GNAT3: variants seen among roughly 807,000 people sequenced by gnomAD.
GNAT3 encodes G protein subunit alpha transducin 3, also known as guanine nucleotide-binding protein G(t) subunit alpha-3.
GNAT3 carries 31 observed loss-of-function variants against 37.7 expected under a neutral mutation model. That is an observed-to-expected ratio of 0.82 (90% CI 0.62 to 1.11). The LOEUF (loss-of-function observed/expected upper bound fraction) is 1.11, where lower values mean the gene tolerates loss of function less well. GNAT3 is among the 50% of genes most tolerant of loss of function. The probability of loss-of-function intolerance (pLI) is 0.00; values close to 1 mark genes in which losing one functional copy is unlikely to be tolerated. For missense variants in GNAT3, 437 were observed against 412.5 expected (o/e 1.06, Z -0.51); for synonymous variants, 138 against 139.8 (o/e 0.99, Z 0.09).
chr7:80,475,624 A>G (rs1248346899), intron 4 of GNAT3, among the ~76,000 whole-genome samples: 1 of 152,090 alleles, frequency 6.6e-6, no homozygotes, highest in Non-Finnish European at 1.5e-5. Context: ...GTCAGTGTTA[A>G]AAATTGTTTG....
At chr7:80,463,082 T>C (rs147407407) in intron 5 of GNAT3, among the ~76,000 whole-genome samples, 1 of 152,180 alleles carries the variant, frequency 6.6e-6, no homozygotes, top group South Asian at 2.1e-4. Context: ...TTGCATTCTA[T>C]GTACTAGACA....
At chr7:80,491,023 G>A (rs771036530) in intron 2 of GNAT3, among the ~76,000 whole-genome samples, 6 of 152,146 alleles carry the variant, frequency 3.9e-5, no homozygotes, top group Non-Finnish European at 7.3e-5. Context: ...CAAGGGTGAA[G>A]AGTTGAATTC....
chr7:80,502,912 A>G (rs1402487548), intron 1 of GNAT3, among the ~76,000 whole-genome samples: 2 of 152,040 alleles, frequency 1.3e-5, no homozygotes, highest in Non-Finnish European at 2.9e-5. Context: ...CTCAAATCTT[A>G]TTTTCAAACT....
At chr7:80,505,410 A>G (rs1021322858) in intron 1 of GNAT3, among the ~76,000 whole-genome samples, 1 of 152,212 alleles carries the variant, frequency 6.6e-6, no homozygotes, top group Non-Finnish European at 1.5e-5. Flanking sequence ...CTCTGTGCCC[A>G]GGCTGGAGTG....
intron 1 of GNAT3, among the ~76,000 whole-genome samples, chr7:80,496,262 C>T (rs925562675): frequency 1.4e-4 from 21 of 152,156 alleles, no homozygotes; most frequent in African/African-American, 3.6e-4. Context: ...TCCTGAGTAG[C>T]TGGGATTACA....
In GNAT3 at chr7:80,497,585, TACATATAC is replaced by T. The variant is rs1408523433; in HGVS notation, c.119-2946_119-2939del. ...ATATACGTATATACATATACGTATA[TACATATAC>T]GTATATACATATACGTATATACATA... On this transcript the variant is annotated intron_variant, in intron 1 of 7. Transcript: ENST00000398291. Among the ~76,000 whole-genome samples, 1,126 of 128,878 alleles carry T rather than the reference TACATATAC, an allele frequency of 8.7e-3. 77 individuals are homozygous for T. The highest frequency in any genetic ancestry group is 0.031 in the African/African-American group (1,073 of 34,214). 84.5% of individuals were successfully genotyped at this position (128,878 alleles called of 152,430 possible).
chr7:80,510,674 G>A (rs945221818), intron 1 of GNAT3, among the ~76,000 whole-genome samples: 1 of 152,164 alleles, frequency 6.6e-6, no homozygotes, highest in Non-Finnish European at 1.5e-5. Flanking sequence ...CTGTGGGCCT[G>A]TGTGCAGGCA....
intron 5 of GNAT3, among the ~76,000 whole-genome samples, chr7:80,473,004 G>A (rs76082547): frequency 0.027 from 4,076 of 152,268 alleles, 95 homozygotes; most frequent in African/African-American, 0.059. Flanking sequence ...TTTCACTGGC[G>A]TGGGAGGGGC....
rs1490997773 is a variant in GNAT3, at chr7:80,496,160, T to C, written c.119-1513A>G. ...GAGTCTTTCTTTTTGAGATGGAATCTCGCTCTGTCACCCAGGCTGGAGTGC... is the reference window on the plus strand; with the variant it reads ...GAGTCTTTCTTTTTGAGATGGAATCCCGCTCTGTCACCCAGGCTGGAGTGC... On this transcript the variant is annotated intron_variant, in intron 1 of 7. Transcript: ENST00000398291. Among the ~76,000 whole-genome samples the C allele has an allele frequency of 2.0e-5, 3 of 152,068 alleles. No homozygotes were observed. The East Asian group carries it at 5.8e-4, about 29-fold the overall frequency.
rs549683019 is a variant in GNAT3, at chr7:80,474,186, C to G, written c.590+65G>C. 3.8e-4 allele frequency: 566 copies of G among 1,507,464 alleles called. 8 individuals are homozygous for G. The South Asian group carries it at 6.4e-3, about 17-fold the overall frequency. The allele number at this position is 1,507,464 out of a possible 1,614,324, so 93.4% of individuals were successfully genotyped here. A position where few individuals can be genotyped will look rare whatever the true frequency, so the allele number is the denominator to read the frequency against. On this transcript the variant is annotated intron_variant, in intron 5 of 7. Transcript: ENST00000398291. ...CCTGAACATGGGCTAGAGCTTTTCT[C>G]CATGAGGAAATATTAAGCCTGATGC...
intron 3 of GNAT3, among the ~76,000 whole-genome samples, chr7:80,484,077 C>A (rs887331334): frequency 2.6e-5 from 4 of 151,974 alleles, no homozygotes; most frequent in African/African-American, 9.7e-5. Context: ...CACCTATCAA[C>A]TCATCTTCAT....
chr7:80,460,788 T>C (rs1790035364), intron 7 of GNAT3, among the ~76,000 whole-genome samples: 1 of 151,498 alleles, frequency 6.6e-6, no homozygotes, highest in African/African-American at 2.4e-5. Context: ...TAATGTAAAA[T>C]GTGTTAATAT....
In GNAT3 at chr7:80,491,257, G is replaced by A. The variant is rs544399735; in HGVS notation, c.162-2581C>T. On this transcript the variant is annotated intron_variant, in intron 2 of 7. Transcript: ENST00000398291. Reference sequence around the variant, plus strand: ...GCATAACTATGCTGAGATTTATTGCGTTGTAGGCTGGCGTTGTTGTAATTA... The same window carrying A: ...GCATAACTATGCTGAGATTTATTGCATTGTAGGCTGGCGTTGTTGTAATTA... Among the ~76,000 whole-genome samples, 12 of 152,270 alleles carry A rather than the reference G, an allele frequency of 7.9e-5. No homozygotes were observed. The South Asian group carries it at 1.9e-3, about 24-fold the overall frequency.
intron 1 of GNAT3, among the ~76,000 whole-genome samples, chr7:80,497,622 GTATATACA>G (rs1364335599): frequency 3.5e-5 from 4 of 114,442 alleles, no homozygotes; most frequent in East Asian, 2.5e-4. Flanking sequence ...ATACATATAC[GTATATACA>G]TATACGTATA....
chr7:80,496,906 G>A (rs541977150), intron 1 of GNAT3, among the ~76,000 whole-genome samples: 1 of 148,128 alleles, frequency 6.8e-6, no homozygotes, highest in Non-Finnish European at 1.5e-5. Context: ...TTCTGCAGTT[G>A]TCTGAAACAG....
intron 3 of GNAT3, among the ~76,000 whole-genome samples, chr7:80,479,407 A>G (rs1403753487): frequency 2.6e-5 from 4 of 151,996 alleles, no homozygotes; most frequent in African/African-American, 9.7e-5. Context: ...GAATTTTTCT[A>G]GAAAAAAAAA....
intron 3 of GNAT3, among the ~76,000 whole-genome samples, chr7:80,479,485 C>T (rs1197437612): frequency 6.6e-6 from 1 of 151,400 alleles, no homozygotes; most frequent in Non-Finnish European, 1.5e-5. Context: ...TTAGGGAGGC[C>T]GAGGTGGGTA....
intron 5 of GNAT3, 118 bp from the exon 6 acceptor site, chr7:80,462,749 A>G (rs1403817825): frequency 1.5e-6 from 1 of 645,298 alleles, no homozygotes; most frequent in African/African-American, 1.9e-5. Flanking sequence ...TATTCTTTTG[A>G]CTTTTATTGA....
chr7:80,494,680 A>G, intron 1 of GNAT3, 33 bp from the exon 2 acceptor site: 2 of 1,233,004 alleles, frequency 1.6e-6, no homozygotes, highest in South Asian at 1.3e-5. Context: ...TTATTAACTG[A>G]TATACCAAAT....
Sources: gnomAD v4.1 joint callset for allele counts (sites outside exome capture counted in the v4.1 genomes callset) on GRCh38, gnomAD v4.1.1 for gene constraint, MANE v1.5 for transcripts, NCBI Gene and HGNC (gene_info 2026-07-23, HGNC 2026-07-21) for gene names.